CFAP144: variants seen among roughly 807,000 people sequenced by gnomAD.
CFAP144 encodes the protein cilia- and flagella-associated protein 144.
the CFAP144 span, among the ~76,000 whole-genome samples, chr1:43,146,543 A>G: frequency 6.6e-6 from 1 of 152,250 alleles, no homozygotes; most frequent in African/African-American, 2.4e-5. Flanking sequence ...TTTGGTGTCC[A>G]GAAGACACCA....
chr1:43,150,803 T>A, the CFAP144 span: 4 of 1,610,260 alleles, frequency 2.5e-6, no homozygotes, highest in Admixed American at 6.7e-5. Flanking sequence ...CATGATAACC[T>A]GGAGGAACCT....
the CFAP144 span, among the ~76,000 whole-genome samples, chr1:43,154,032 ACTT>A: frequency 4.1e-3 from 469 of 115,492 alleles, 1 homozygote; most frequent in Middle Eastern, 0.031. Flanking sequence ...TTTTTTTCTT[ACTT>A]CTTCTTCTCT....
chr1:43,152,783 G>T, the CFAP144 span: 1 of 1,543,622 alleles, frequency 6.5e-7, no homozygotes, highest in East Asian at 2.3e-5. Flanking sequence ...ACCAACCTCT[G>T]GTCCCAAAGC....
chr1:43,148,185 CTCTT>C, the CFAP144 span: 1 of 1,118,828 alleles, frequency 8.9e-7, no homozygotes, highest in Non-Finnish European at 1.3e-6. Context: ...CCAGCAAAAA[CTCTT>C]TCCCCAGCAC....
chr1:43,150,771 C>A, the CFAP144 span: 1 of 1,609,228 alleles, frequency 6.2e-7, no homozygotes, highest in South Asian at 1.1e-5. Context: ...TTCATACAGT[C>A]ACCAGGAAGC....
chr1:43,143,423 AGGGTGTT>A, the CFAP144 span, among the ~76,000 whole-genome samples: 2 of 152,166 alleles, frequency 1.3e-5, no homozygotes, highest in African/African-American at 4.8e-5. Context: ...AGGGAGGAAA[AGGGTGTT>A]GGGTCAAGAA....
At chr1:43,147,639 C>G in the CFAP144 span, among the ~76,000 whole-genome samples, 2 of 152,216 alleles carry the variant, frequency 1.3e-5, no homozygotes, top group Admixed American at 6.5e-5. Context: ...TGGGTCTGCC[C>G]CTTGCCGGGA....
the CFAP144 span, chr1:43,145,413 G>T: frequency 2.5e-6 from 2 of 801,250 alleles, no homozygotes; most frequent in Non-Finnish European, 2.1e-6. Context: ...CCTTTGGTCT[G>T]GTTCCTCCCA....
chr1:43,146,891 G>A, the CFAP144 span, among the ~76,000 whole-genome samples: 1 of 152,144 alleles, frequency 6.6e-6, no homozygotes, highest in African/African-American at 2.4e-5. Flanking sequence ...TGTCCCCCAG[G>A]CTGGAGTGCA....
chr1:43,145,860 T>C, the CFAP144 span, among the ~76,000 whole-genome samples: 5 of 152,196 alleles, frequency 3.3e-5, no homozygotes, highest in Admixed American at 3.3e-4. Flanking sequence ...ATTAAGATAG[T>C]GTAGTGCTGT....
chr1:43,154,060 G>GTATA, the CFAP144 span, among the ~76,000 whole-genome samples: 27 of 71,760 alleles, frequency 3.8e-4, no homozygotes, highest in Middle Eastern at 9.6e-3. Flanking sequence ...ATATATGTGT[G>GTATA]TGTATATATA....
At chr1:43,148,706 G>C in the CFAP144 span, among the ~76,000 whole-genome samples, 1 of 152,068 alleles carries the variant, frequency 6.6e-6, no homozygotes, top group African/African-American at 2.4e-5. Flanking sequence ...TGCTGCTCCA[G>C]AATACCCTGT....
the CFAP144 span, chr1:43,147,728 C>T: frequency 7.1e-7 from 1 of 1,398,636 alleles, no homozygotes; most frequent in Non-Finnish European, 9.3e-7. Context: ...AGTACAGTGC[C>T]AGAATAGGGC....
the CFAP144 span, among the ~76,000 whole-genome samples, chr1:43,146,310 A>T: frequency 2.6e-5 from 4 of 152,220 alleles, no homozygotes; most frequent in Non-Finnish European, 5.9e-5. Flanking sequence ...TAAATATCAC[A>T]TTATTAAAAT....
chr1:43,148,158 G>C, the CFAP144 span: 38 of 1,501,138 alleles, frequency 2.5e-5, no homozygotes, highest in Non-Finnish European at 2.9e-5. Context: ...TCCGGGTTGC[G>C]GGGTGGGAAC....
the CFAP144 span, among the ~76,000 whole-genome samples, chr1:43,143,503 T>C: frequency 4.6e-5 from 7 of 151,628 alleles, no homozygotes; most frequent in African/African-American, 1.7e-4. Context: ...AAGGGACTTA[T>C]GATTTGGATG....
the CFAP144 span, among the ~76,000 whole-genome samples, chr1:43,147,301 A>G: frequency 9.2e-5 from 14 of 152,354 alleles, no homozygotes; most frequent in South Asian, 2.9e-3. Context: ...CATAGTTTGA[A>G]TATACTTAAT....
chr1:43,151,296 C>T, the CFAP144 span, among the ~76,000 whole-genome samples: 40 of 152,310 alleles, frequency 2.6e-4, no homozygotes, highest in South Asian at 7.5e-3. Context: ...GTAGCTGGTA[C>T]ATGGTCCTCA....
the CFAP144 span, chr1:43,150,963 G>A: frequency 1.2e-5 from 8 of 647,444 alleles, no homozygotes; most frequent in Non-Finnish European, 2.2e-5. Context: ...TACTAACCAA[G>A]CTCAAAAAAG....
Sources: gnomAD v4.1 joint callset for allele counts (sites outside exome capture counted in the v4.1 genomes callset) on GRCh38, gnomAD v4.1.1 for gene constraint, MANE v1.5 for transcripts, NCBI Gene and HGNC (gene_info 2026-07-23, HGNC 2026-07-21) for gene names.